The following BMP6 variants were observed in gnomAD, a reference collection of about 807,000 sequenced individuals.
BMP6 encodes bone morphogenetic protein 6, also known as VG-1-R.
A neutral mutation model predicts 54.1 loss-of-function variants in BMP6; 17 were observed. The observed-to-expected ratio is 0.31, with a 90% CI of 0.22 to 0.47. BMP6 has a LOEUF of 0.47. Ranked by LOEUF, BMP6 falls within the 20% of genes least tolerant of loss-of-function variation. BMP6 has a pLI of 1.00. For missense variants in BMP6, 720 were observed against 690.4 expected (o/e 1.04, Z -0.48); for synonymous variants, 328 against 291.2 (o/e 1.13, Z -1.28).
At chr6:7,764,727 C>T (rs960598827) in intron 1 of BMP6, among the ~76,000 whole-genome samples, 1 of 152,170 alleles carries the variant, frequency 6.6e-6, no homozygotes, top group Non-Finnish European at 1.5e-5. Flanking sequence ...GACGTCCTCC[C>T]ATCTCAGCCT....
chr6:7,812,615 A>C (rs186135764), intron 1 of BMP6, among the ~76,000 whole-genome samples: 23 of 152,374 alleles, frequency 1.5e-4, no homozygotes, highest in African/African-American at 5.5e-4. Flanking sequence ...ACCCTCTGGT[A>C]TATTTGTTGC....
At chr6:7,803,653 G>C (rs1197916296) in intron 1 of BMP6, among the ~76,000 whole-genome samples, 6 of 152,174 alleles carry the variant, frequency 3.9e-5, no homozygotes, top group African/African-American at 1.4e-4. Flanking sequence ...CTCTTTTGTA[G>C]TTTTCTCGGC....
intron 4 of BMP6, among the ~76,000 whole-genome samples, chr6:7,876,571 A>C (rs1030226571): frequency 6.6e-6 from 1 of 152,224 alleles, no homozygotes; most frequent in African/African-American, 2.4e-5. Flanking sequence ...AGAGATTTCA[A>C]ATATACTGTT....
intron 1 of BMP6, 60 bp downstream of exon 1, chr6:7,727,679 CAGGGGATGGAGTG>C (rs1761767393): frequency 2.1e-6 from 3 of 1,441,492 alleles, no homozygotes; most frequent in Admixed American, 2.6e-5. Context: ...GTCCCGGGCC[CAGGGGATGGAGTG>C]AGGGGGTGGA....
At chr6:7,761,894 ATTTCT>A (rs1354795178) in intron 1 of BMP6, among the ~76,000 whole-genome samples, 3 of 151,646 alleles carry the variant, frequency 2.0e-5, no homozygotes, top group Non-Finnish European at 4.4e-5. Context: ...CTCCCCTTGG[ATTTCT>A]TTTCTTTTCT....
intron 1 of BMP6, among the ~76,000 whole-genome samples, chr6:7,762,002 A>G (rs962603024): frequency 1.1e-4 from 17 of 152,074 alleles, no homozygotes; most frequent in Non-Finnish European, 2.2e-4. Context: ...GCTCACTGCA[A>G]CCTCCACTTT....
At chr6:7,763,879 T>C (rs567316105) in intron 1 of BMP6, among the ~76,000 whole-genome samples, 1 of 152,320 alleles carries the variant, frequency 6.6e-6, no homozygotes, top group South Asian at 2.1e-4. Context: ...CAAGTTATAA[T>C]TGGACTACAA....
intron 4 of BMP6, among the ~76,000 whole-genome samples, chr6:7,875,218 C>T (rs1192648206): frequency 6.6e-6 from 1 of 151,982 alleles, no homozygotes; most frequent in Admixed American, 6.6e-5. Context: ...TGACCCAGCT[C>T]GATAAAAGAG....
At chr6:7,789,160 G>C (rs1180099999) in intron 1 of BMP6, among the ~76,000 whole-genome samples, 1 of 152,068 alleles carries the variant, frequency 6.6e-6, no homozygotes, top group South Asian at 2.1e-4. Context: ...CGTTCATCTC[G>C]CACAGCAGGG....
At chr6:7,758,330 A>G (rs1334084227) in intron 1 of BMP6, among the ~76,000 whole-genome samples, 1 of 152,188 alleles carries the variant, frequency 6.6e-6, no homozygotes, top group African/African-American at 2.4e-5. Context: ...GAGCTGGATA[A>G]AGAGATGATG....
chr6:7,834,246 T>G (rs1370891165), intron 1 of BMP6, among the ~76,000 whole-genome samples: 1 of 151,504 alleles, frequency 6.6e-6, no homozygotes, highest in Non-Finnish European at 1.5e-5. Context: ...CAGGATGAAT[T>G]TCAATTAAAA....
rs75780742 is a variant in BMP6 at position 7,747,053 on chromosome 6, G to A, written c.664+19434G>A. Among the ~76,000 whole-genome samples the A allele has an allele frequency of 5.2e-3, 793 of 152,226 alleles. 12 individuals carry two copies. Among genetic ancestry groups the A allele is most frequent in the African/African-American group, 0.018 (766 of 41,538 alleles). ...CTACCTTCTGAACGAATCCCATAAG[G>A]CCTGGCTCTTAAGAAAGTTTTATTT... On this transcript the variant is annotated intron_variant, in intron 1 of 6. Transcript: ENST00000283147.
chr6:7,762,128 G>A (rs1422204574), intron 1 of BMP6, among the ~76,000 whole-genome samples: 1 of 152,096 alleles, frequency 6.6e-6, no homozygotes, highest in Non-Finnish European at 1.5e-5. Flanking sequence ...CACCATGGTG[G>A]CCAGGCTGGT....
chr6:7,739,813 T>C (rs270409), intron 1 of BMP6, among the ~76,000 whole-genome samples: 142,873 of 152,212 alleles, frequency 0.94, 67,110 homozygotes, highest in East Asian at 1. Context: ...GTCCTGAGTC[T>C]TCATCCTCCT....
At chr6:7,803,091 T>G (rs987115487) in intron 1 of BMP6, among the ~76,000 whole-genome samples, 1 of 152,050 alleles carries the variant, frequency 6.6e-6, no homozygotes, top group African/African-American at 2.4e-5. Flanking sequence ...TGCAGAGGCT[T>G]GAATGGGAAA....
At chr6:7,794,483 C>T (rs905212845) in intron 1 of BMP6, among the ~76,000 whole-genome samples, 1 of 151,674 alleles carries the variant, frequency 6.6e-6, no homozygotes, top group Admixed American at 6.6e-5. Context: ...GCCTTTAGAC[C>T]CAGCTCCTCC....
At chr6:7,835,962 G>A (rs994118658) in intron 1 of BMP6, among the ~76,000 whole-genome samples, 3 of 151,842 alleles carry the variant, frequency 2.0e-5, no homozygotes, top group African/African-American at 4.8e-5. Context: ...TCAGCCTCGC[G>A]AGTAGCCGGG....
At chr6:7,806,592 A>G (rs1267753358) in intron 1 of BMP6, among the ~76,000 whole-genome samples, 1 of 152,176 alleles carries the variant, frequency 6.6e-6, no homozygotes, top group Non-Finnish European at 1.5e-5. Flanking sequence ...AACCAGAAAA[A>G]ACAAAAACAA....
At chr6:7,742,502 G>A (rs1324894441) in intron 1 of BMP6, among the ~76,000 whole-genome samples, 1 of 152,234 alleles carries the variant, frequency 6.6e-6, no homozygotes, top group Non-Finnish European at 1.5e-5. Flanking sequence ...GTGACATAAT[G>A]TCTATTGAAG....
Sources: allele counts gnomAD v4.1 joint callset (sites outside exome capture counted in the v4.1 genomes callset), GRCh38; gene constraint gnomAD v4.1.1; transcripts MANE v1.5; gene names NCBI Gene and HGNC (gene_info 2026-07-23, HGNC 2026-07-21).